TBXAS1: variants seen among roughly 807,000 people sequenced by gnomAD.
TBXAS1 encodes the protein thromboxane-A synthase.
A neutral mutation model predicts 60.7 loss-of-function variants in TBXAS1; 48 were observed. The ratio of observed to expected loss-of-function variants is 0.79; its 90% confidence interval spans 0.63 to 1.01. The LOEUF (loss-of-function observed/expected upper bound fraction) is 1.01, where lower values mean the gene tolerates loss of function less well. TBXAS1 is among the 50% of genes least tolerant of loss of function. The pLI is 0.00. For missense variants in TBXAS1, 685 were observed against 686.3 expected, an observed-to-expected ratio of 1.00 and a Z score of 0.02; for synonymous variants, 287 against 269.7, an observed-to-expected ratio of 1.06 and a Z score of -0.63.
chr7:140,008,103 C>T (rs1814235548), intron 10 of TBXAS1, among the ~76,000 whole-genome samples: 1 of 152,196 alleles, frequency 6.6e-6, no homozygotes, highest in Admixed American at 6.5e-5. Flanking sequence ...TAACAGATCA[C>T]ATAAACCATA....
chr7:139,827,830 G>A (rs925901131), upstream of TBXAS1, among the ~76,000 whole-genome samples: 2 of 152,178 alleles, frequency 1.3e-5, no homozygotes, highest in African/African-American at 4.8e-5. Flanking sequence ...CAGCTTGTAG[G>A]TTTTCTGCTG....
At chr7:139,825,930 T>C (rs146067639), upstream of TBXAS1, among the ~76,000 whole-genome samples, 2 of 152,356 alleles carry the variant, frequency 1.3e-5, no homozygotes, top group East Asian at 3.9e-4. Flanking sequence ...ATTAGCAGGT[T>C]AGAGTCTCTG....
chr7:139,945,641 C>T (rs1031187602), intron 5 of TBXAS1, among the ~76,000 whole-genome samples: 9 of 152,208 alleles, frequency 5.9e-5, no homozygotes, highest in African/African-American at 1.4e-4. Flanking sequence ...ATAGTTACCA[C>T]AAAAGAGCAA....
At chr7:139,951,672 C>T (rs867472070) in intron 5 of TBXAS1, among the ~76,000 whole-genome samples, 59 of 144,872 alleles carry the variant, frequency 4.1e-4, no homozygotes, top group Admixed American at 1.7e-3. Flanking sequence ...ACTTGGGAGG[C>T]TGAAGCAGGA....
intron 3 of TBXAS1, among the ~76,000 whole-genome samples, chr7:139,907,262 T>C (rs1429237475): frequency 6.6e-6 from 1 of 152,214 alleles, no homozygotes; most frequent in African/African-American, 2.4e-5. Flanking sequence ...TCAAATGCTT[T>C]CTCATGTCAA....
At chr7:139,821,663 C>T (rs17161157) in intron 4 of TBXAS1, among the ~76,000 whole-genome samples, 7,605 of 152,292 alleles carry the variant, frequency 0.05, 591 homozygotes, top group East Asian at 0.25. Context: ...TTTCCTCTTC[C>T]CCGTGGGACC....
intron 9 of TBXAS1, among the ~76,000 whole-genome samples, chr7:139,974,100 G>A (rs1309977958): frequency 1.3e-5 from 2 of 152,292 alleles, no homozygotes; most frequent in Non-Finnish European, 1.5e-5. Flanking sequence ...GGAAGGAAGG[G>A]GATAAACTCC....
chr7:139,933,389 G>GCACACTGCAC, intron 4 of TBXAS1, among the ~76,000 whole-genome samples: 1 of 152,278 alleles, frequency 6.6e-6, no homozygotes, highest in East Asian at 1.9e-4. Flanking sequence ...TTGGAGGTAA[G>GCACACTGCAC]TGCTTTATTC....
chr7:139,858,957 C>A (rs981849413), intron 1 of TBXAS1, among the ~76,000 whole-genome samples: 2 of 152,210 alleles, frequency 1.3e-5, no homozygotes, highest in Non-Finnish European at 1.5e-5. Flanking sequence ...CAACCTCCCC[C>A]TCCTGGGTTC....
At chr7:139,846,704 C>A (rs981591039) in intron 1 of TBXAS1, among the ~76,000 whole-genome samples, 2 of 152,170 alleles carry the variant, frequency 1.3e-5, no homozygotes, top group African/African-American at 2.4e-5. Context: ...AAACAAGTGA[C>A]CTCATTTTGA....
At chr7:139,952,015 A>AAGAAAGAAAGG (rs1230904381) in intron 5 of TBXAS1, among the ~76,000 whole-genome samples, 1 of 149,794 alleles carries the variant, frequency 6.7e-6, no homozygotes, top group Non-Finnish European at 1.5e-5. Context: ...AGAAAGAAAA[A>AAGAAAGAAAGG]GAAAGGAAGG....
intron 3 of TBXAS1, among the ~76,000 whole-genome samples, chr7:139,905,798 C>T (rs962520032): frequency 6.6e-6 from 1 of 152,162 alleles, no homozygotes; most frequent in Non-Finnish European, 1.5e-5. Context: ...TGTAGCATGT[C>T]TTTTCATCTT....
At chr7:139,799,764 CCTT>C (rs1797669388) in intron 4 of TBXAS1, among the ~76,000 whole-genome samples, 1 of 152,182 alleles carries the variant, frequency 6.6e-6, no homozygotes. Flanking sequence ...CCACTTGACT[CCTT>C]CTATTTTAGC....
At chr7:139,815,738 G>A (rs577846063) in intron 4 of TBXAS1, among the ~76,000 whole-genome samples, 2 of 152,292 alleles carry the variant, frequency 1.3e-5, no homozygotes, top group African/African-American at 4.8e-5. Context: ...TATGAGACCA[G>A]GGCTTCCGTA....
chr7:139,824,272 A>G (rs527716257), upstream of TBXAS1, among the ~76,000 whole-genome samples: 3 of 152,322 alleles, frequency 2.0e-5, no homozygotes, highest in East Asian at 3.9e-4. Context: ...GGAGCCCTAC[A>G]AAGTGGGGCA....
intron 1 of TBXAS1, 90 bp downstream of exon 1, chr7:139,829,569 G>A: frequency 8.1e-7 from 1 of 1,228,782 alleles, no homozygotes; most frequent in Non-Finnish European, 1.2e-6. Flanking sequence ...GTGGGAGTGT[G>A]TTTTTCTTCT....
At chr7:139,854,936 C>T (rs1269108750) in intron 1 of TBXAS1, among the ~76,000 whole-genome samples, 5 of 152,172 alleles carry the variant, frequency 3.3e-5, no homozygotes. Context: ...CATTAAGTGG[C>T]TTTCACACCT....
intron 2 of TBXAS1, among the ~76,000 whole-genome samples, chr7:139,782,077 AGACAAT>A (rs1468848868): frequency 2.6e-5 from 4 of 151,878 alleles, no homozygotes; most frequent in African/African-American, 9.7e-5. Context: ...CATGGGCCTG[AGACAAT>A]GAGAGGGGTC....
intron 1 of TBXAS1, among the ~76,000 whole-genome samples, chr7:139,871,680 T>C (rs930159072): frequency 6.6e-6 from 1 of 152,168 alleles, no homozygotes; most frequent in Non-Finnish European, 1.5e-5. Context: ...TGTAAGCATT[T>C]GGTGATAGGT....
Sources: gnomAD v4.1 joint callset for allele counts (sites outside exome capture counted in the v4.1 genomes callset) on GRCh38, gnomAD v4.1.1 for gene constraint, MANE v1.5 for transcripts, NCBI Gene and HGNC (gene_info 2026-07-23, HGNC 2026-07-21) for gene names.